The following PCDH15 variants were observed in gnomAD, a reference collection of about 807,000 sequenced individuals.
The protein encoded by PCDH15 is protocadherin related 15, also known as protocadherin-15.
PCDH15 carries 129 observed loss-of-function variants against 178.5 expected under a neutral mutation model. The ratio of observed to expected loss-of-function variants is 0.72; its 90% CI spans 0.63 to 0.84. The LOEUF is 0.84. Among genes scored for constraint, PCDH15 ranks in the 40% least tolerant of loss-of-function variants. PCDH15 has a pLI of 0.00. For synonymous variants in PCDH15, 800 were observed against 732.0 expected (o/e 1.09, Z -1.50); for missense variants, 2,230 against 2,099.9 (o/e 1.06, Z -1.21).
intron 25 of PCDH15, among the ~76,000 whole-genome samples, chr10:53,937,726 A>G (rs533499296): frequency 7.9e-5 from 12 of 152,276 alleles, no homozygotes; most frequent in African/African-American, 2.9e-4. Context: ...TCAACTGCCA[A>G]ACTGATACAG....
chr10:54,273,081 T>C (rs2058140954), intron 8 of PCDH15, among the ~76,000 whole-genome samples: 1 of 152,088 alleles, frequency 6.6e-6, no homozygotes, highest in Non-Finnish European at 1.5e-5. Flanking sequence ...TTACACTGAC[T>C]ATGTTTTCTG....
At chr10:55,532,009 G>T (rs1057110312) in intron 2 of PCDH15, among the ~76,000 whole-genome samples, 2 of 151,912 alleles carry the variant, frequency 1.3e-5, no homozygotes, top group African/African-American at 4.8e-5. Flanking sequence ...TCAAATTAAA[G>T]ATCTGATCTT....
intron 3 of PCDH15, among the ~76,000 whole-genome samples, chr10:54,525,117 T>C (rs1339896015): frequency 6.6e-6 from 1 of 152,220 alleles, no homozygotes; most frequent in Non-Finnish European, 1.5e-5. Flanking sequence ...GTTCTATAAA[T>C]GTAGCTCAAT....
intron 28 of PCDH15, among the ~76,000 whole-genome samples, chr10:53,856,143 G>A (rs1304783005): frequency 3.3e-5 from 5 of 151,276 alleles, no homozygotes; most frequent in African/African-American, 4.9e-5. Context: ...TGGGATGGAG[G>A]TGAGGGATAA....
rs77441249 is a variant in PCDH15, at chr10:54,476,454, C to T, written c.157+51358G>A. Among the ~76,000 whole-genome samples the T allele has an allele frequency of 5.6e-3, 849 of 151,836 alleles. 14 individuals carry two copies. The highest frequency in any genetic ancestry group is 0.02 in the African/African-American group (826 of 41,428). Reference sequence around the variant, plus strand: ...ATTTAGCAGGTGGTAACTTTTTTTCCCCAGTGAAATGGGAAAATGTTAGGG... The same window carrying T: ...ATTTAGCAGGTGGTAACTTTTTTTCTCCAGTGAAATGGGAAAATGTTAGGG... On this transcript the variant is annotated intron_variant, in intron 3 of 37. Coordinates refer to ENST00000644397, the MANE Select transcript of PCDH15 (RefSeq NM_001384140.1).
intron 2 of PCDH15, among the ~76,000 whole-genome samples, chr10:55,559,842 C>A (rs1842160745): frequency 6.6e-6 from 1 of 151,830 alleles, no homozygotes. Flanking sequence ...AAATGTTTTT[C>A]AACATCCTGT....
chr10:55,139,992 T>C (rs1838303617), intron 2 of PCDH15, among the ~76,000 whole-genome samples: 1 of 151,942 alleles, frequency 6.6e-6, no homozygotes, highest in South Asian at 2.1e-4. Context: ...TATGTTTTGC[T>C]AGAATTACAC....
At chr10:54,475,667 G>A (rs1214750682) in intron 3 of PCDH15, among the ~76,000 whole-genome samples, 2 of 151,812 alleles carry the variant, frequency 1.3e-5, no homozygotes, top group African/African-American at 4.8e-5. Flanking sequence ...ATAAAAATCA[G>A]TGTCATTTAT....
chr10:55,512,537 T>C (rs1840909294), intron 2 of PCDH15, among the ~76,000 whole-genome samples: 1 of 151,980 alleles, frequency 6.6e-6, no homozygotes, highest in African/African-American at 2.4e-5. Flanking sequence ...CTAACAGGTA[T>C]TTGAGAATTC....
chr10:54,799,896 C>T (rs1369367547), intron 1 of PCDH15, among the ~76,000 whole-genome samples: 2 of 152,118 alleles, frequency 1.3e-5, no homozygotes, highest in Non-Finnish European at 2.9e-5. Flanking sequence ...TACAACAAAG[C>T]TTCATACCTG....
intron 2 of PCDH15, among the ~76,000 whole-genome samples, chr10:55,141,561 A>G (rs1295202030): frequency 6.6e-6 from 1 of 152,150 alleles, no homozygotes; most frequent in African/African-American, 2.4e-5. Context: ...TAATTAAAAT[A>G]ATTTCAAATG....
chr10:54,583,182 T>C (rs1565661505), intron 2 of PCDH15, among the ~76,000 whole-genome samples: 2 of 152,124 alleles, frequency 1.3e-5, no homozygotes, highest in Non-Finnish European at 2.9e-5. Flanking sequence ...TTTAACTTTA[T>C]GAAAATAAAA....
intron 2 of PCDH15, among the ~76,000 whole-genome samples, chr10:55,596,136 C>T (rs773955437): frequency 5.3e-5 from 8 of 151,838 alleles, no homozygotes; most frequent in Non-Finnish European, 5.9e-5. Context: ...TGATTAGAAC[C>T]GTCTTTCTCA....
At chr10:53,971,153 A>G (rs1388638248) in intron 21 of PCDH15, among the ~76,000 whole-genome samples, 4 of 152,178 alleles carry the variant, frequency 2.6e-5, no homozygotes, top group Non-Finnish European at 5.9e-5. Context: ...CAATAAACGT[A>G]ATGCAGCATA....
At chr10:54,511,005 G>C (rs2081601887) in intron 3 of PCDH15, among the ~76,000 whole-genome samples, 1 of 152,234 alleles carries the variant, frequency 6.6e-6, no homozygotes, top group Non-Finnish European at 1.5e-5. Flanking sequence ...TGGTTAGCGT[G>C]CTTTCAGTTG....
intron 2 of PCDH15, among the ~76,000 whole-genome samples, chr10:54,975,743 G>A: frequency 6.6e-6 from 1 of 152,156 alleles, no homozygotes; most frequent in East Asian, 1.9e-4. Context: ...GTATTTGTAT[G>A]ATAATTGAAT....
intron 2 of PCDH15, among the ~76,000 whole-genome samples, chr10:55,625,740 T>G (rs1024039679): frequency 2.6e-5 from 4 of 152,174 alleles, no homozygotes; most frequent in African/African-American, 4.8e-5. Context: ...AAGATAAGGT[T>G]GATTTCCGCT....
intron 2 of PCDH15, among the ~76,000 whole-genome samples, chr10:54,972,693 CA>C (rs1182074363): frequency 6.7e-6 from 1 of 150,102 alleles, no homozygotes; most frequent in Non-Finnish European, 1.5e-5. Flanking sequence ...ACTAAAAATA[CA>C]AAAAATTAGC....
intron 25 of PCDH15, chr10:53,905,102 G>A: frequency 2.0e-6 from 1 of 501,336 alleles, no homozygotes; most frequent in Non-Finnish European, 4.0e-6. Context: ...AGCCTCATAA[G>A]CAGGTAAATC....
Sources: allele counts gnomAD v4.1 joint callset (sites outside exome capture counted in the v4.1 genomes callset), GRCh38; gene constraint gnomAD v4.1.1; transcripts MANE v1.5; gene names NCBI Gene and HGNC (gene_info 2026-07-23, HGNC 2026-07-21).